GRM7: variants seen among roughly 807,000 people sequenced by gnomAD.
GRM7 encodes glutamate metabotropic receptor 7.
GRM7 carries 35 observed loss-of-function variants against 84.5 expected under a neutral mutation model. That is an observed-to-expected ratio of 0.41 (90% confidence interval 0.32 to 0.55). GRM7 has a LOEUF of 0.55. Among genes scored for constraint, GRM7 ranks in the 20% least tolerant of loss-of-function variants. The probability of loss-of-function intolerance (pLI) is 0.19; values close to 1 mark genes in which losing one functional copy is unlikely to be tolerated. For synonymous variants in GRM7, 487 were observed against 455.1 expected (o/e 1.07, Z -0.89); for missense variants, 1,003 against 1,194.6 (o/e 0.84, Z 2.36).
chr3:7,598,574 T>A (rs1696159508), intron 8 of GRM7, among the ~76,000 whole-genome samples: 1 of 152,238 alleles, frequency 6.6e-6, no homozygotes, highest in Non-Finnish European at 1.5e-5. Context: ...TGAGGGTTGA[T>A]TGCAAGGGTC....
chr3:7,723,937 C>G (rs908255386), intron 9 of GRM7, among the ~76,000 whole-genome samples: 3 of 152,140 alleles, frequency 2.0e-5, no homozygotes, highest in African/African-American at 4.8e-5. Flanking sequence ...ATCTAATATA[C>G]TTGTTGGAGA....
At chr3:7,446,199 A>G (rs1697499453) in intron 5 of GRM7, among the ~76,000 whole-genome samples, 1 of 152,202 alleles carries the variant, frequency 6.6e-6, no homozygotes, top group African/African-American at 2.4e-5. Context: ...GCACAAGTGT[A>G]CACAGCTTCA....
chr3:6,925,047 G>T (rs62235401), intron 1 of GRM7, among the ~76,000 whole-genome samples: 11,061 of 152,112 alleles, frequency 0.073, 550 homozygotes, highest in Non-Finnish European at 0.11. Flanking sequence ...TTTTACTGAA[G>T]AAAGAAAAAG....
At chr3:7,436,035 C>T (rs574440272) in intron 5 of GRM7, among the ~76,000 whole-genome samples, 9 of 151,444 alleles carry the variant, frequency 5.9e-5, no homozygotes, top group African/African-American at 1.7e-4. Flanking sequence ...TTAGTAGAGA[C>T]GAAGTTTCAC....
intron 1 of GRM7, among the ~76,000 whole-genome samples, chr3:7,102,520 C>G (rs935284524): frequency 2.0e-5 from 3 of 151,600 alleles, no homozygotes; most frequent in African/African-American, 7.3e-5. Context: ...TATGATGTGC[C>G]TAAGTGTGGT....
chr3:7,564,260 G>C (rs980615071), intron 7 of GRM7, among the ~76,000 whole-genome samples: 1 of 152,160 alleles, frequency 6.6e-6, no homozygotes, highest in Non-Finnish European at 1.5e-5. Context: ...CCATGTGTCA[G>C]ACAACATGCT....
At chr3:7,054,359 GTATGATATATATGATATCTTT>G (rs1195196460) in intron 1 of GRM7, among the ~76,000 whole-genome samples, 1 of 149,036 alleles carries the variant, frequency 6.7e-6, no homozygotes, top group Non-Finnish European at 1.5e-5. Flanking sequence ...TATGATATAT[GTATGATATATATGATATCTTT>G]TATGATATAT....
At chr3:7,103,640 C>A (rs968265521) in intron 1 of GRM7, among the ~76,000 whole-genome samples, 1 of 151,796 alleles carries the variant, frequency 6.6e-6, no homozygotes, top group Non-Finnish European at 1.5e-5. Flanking sequence ...ATCTCTACTT[C>A]CATAATTAAT....
chr3:7,378,067 C>G (rs1694430960), intron 4 of GRM7, among the ~76,000 whole-genome samples: 1 of 152,186 alleles, frequency 6.6e-6, no homozygotes, highest in Non-Finnish European at 1.5e-5. Flanking sequence ...GGAGCTGACT[C>G]TAATCTCATT....
intron 9 of GRM7, among the ~76,000 whole-genome samples, chr3:7,718,434 C>A (rs565086587): frequency 6.6e-6 from 1 of 152,110 alleles, no homozygotes; most frequent in Non-Finnish European, 1.5e-5. Context: ...AAAGAGAAGG[C>A]CTTGAACCCA....
At chr3:6,990,634 G>C (rs901002199) in intron 1 of GRM7, among the ~76,000 whole-genome samples, 1 of 152,036 alleles carries the variant, frequency 6.6e-6, no homozygotes, top group Non-Finnish European at 1.5e-5. Flanking sequence ...TGTCAAACCT[G>C]CTTTTTCATT....
At chr3:7,158,150 G>A (rs1222200917) in intron 2 of GRM7, among the ~76,000 whole-genome samples, 4 of 152,132 alleles carry the variant, frequency 2.6e-5, no homozygotes, top group Non-Finnish European at 4.4e-5. Flanking sequence ...TCTGAGATAT[G>A]AATAGGTAAG....
chr3:7,351,746 T>G (rs1330358065), intron 4 of GRM7, among the ~76,000 whole-genome samples: 1 of 151,970 alleles, frequency 6.6e-6, no homozygotes, highest in African/African-American at 2.4e-5. Context: ...CCTTCTTCCC[T>G]TAGACATCAG....
chr3:7,564,531 A>G (rs1031894203), intron 7 of GRM7, among the ~76,000 whole-genome samples: 9 of 152,310 alleles, frequency 5.9e-5, no homozygotes, highest in South Asian at 2.1e-4. Context: ...AAAAGCCACT[A>G]TGACATTAAA....
intron 5 of GRM7, among the ~76,000 whole-genome samples, chr3:7,441,479 A>G (rs888698062): frequency 1.3e-5 from 2 of 152,080 alleles, no homozygotes; most frequent in Non-Finnish European, 2.9e-5. Context: ...TGCTGTGTAG[A>G]AGCTCTTTAG....
intron 7 of GRM7, among the ~76,000 whole-genome samples, chr3:7,485,177 T>C (rs1699274433): frequency 6.6e-6 from 1 of 152,196 alleles, no homozygotes; most frequent in Non-Finnish European, 1.5e-5. Context: ...CCAACTAAAA[T>C]GTGTCCAGAT....
At chr3:7,438,500 G>T (rs1697150277) in intron 5 of GRM7, among the ~76,000 whole-genome samples, 1 of 152,002 alleles carries the variant, frequency 6.6e-6, no homozygotes, top group South Asian at 2.1e-4. Context: ...GTCCAAAAGT[G>T]CCAGAAGAGT....
chr3:7,312,704 G>A (rs1167157576), intron 4 of GRM7, among the ~76,000 whole-genome samples: 2 of 151,996 alleles, frequency 1.3e-5, no homozygotes, highest in Non-Finnish European at 2.9e-5. Context: ...ACTTAATCCT[G>A]ACCATTGGGA....
At chr3:6,892,911 G>T (rs1696023218) in intron 1 of GRM7, 1 of 152,088 alleles carries the variant, frequency 6.6e-6, no homozygotes, top group African/African-American at 2.4e-5. Flanking sequence ...ACAAAAATTA[G>T]CTACAGGTGT....
Sources: gnomAD v4.1 joint callset for allele counts (sites outside exome capture counted in the v4.1 genomes callset) on GRCh38, gnomAD v4.1.1 for gene constraint, MANE v1.5 for transcripts, NCBI Gene and HGNC (gene_info 2026-07-23, HGNC 2026-07-21) for gene names.